The following GRM7 variants were observed in gnomAD, a reference collection of about 807,000 sequenced individuals.
GRM7 encodes metabotropic glutamate receptor 7.
A neutral mutation model predicts 84.5 loss-of-function variants in GRM7; 35 were observed. That is an observed-to-expected ratio of 0.41 (90% confidence interval 0.32 to 0.55). The LOEUF (loss-of-function observed/expected upper bound fraction) is 0.55, where lower values mean the gene tolerates loss of function less well. Among genes scored for constraint, GRM7 ranks in the 20% least tolerant of loss-of-function variants. GRM7 has a pLI of 0.19. For missense variants in GRM7, 1,003 were observed against 1,194.6 expected (o/e 0.84, Z 2.36); for synonymous variants, 487 against 455.1 (o/e 1.07, Z -0.89).
At chr3:7,099,364 A>C (rs1319926067) in intron 1 of GRM7, among the ~76,000 whole-genome samples, 1 of 148,342 alleles carries the variant, frequency 6.7e-6, no homozygotes, top group Non-Finnish European at 1.5e-5. Context: ...GTACACATGT[A>C]TACATATATA....
chr3:7,087,445 T>G (rs1017480818), intron 1 of GRM7, among the ~76,000 whole-genome samples: 4 of 152,088 alleles, frequency 2.6e-5, no homozygotes, highest in Non-Finnish European at 5.9e-5. Context: ...TCATGACCTT[T>G]TTTCAGGTGA....
chr3:7,421,691 G>T (rs1032273829), intron 5 of GRM7, among the ~76,000 whole-genome samples: 1 of 151,560 alleles, frequency 6.6e-6, no homozygotes, highest in African/African-American at 2.4e-5. Flanking sequence ...ACTGCAGCAT[G>T]GACTCTTGGT....
rs1694026648 is a variant in GRM7, at chr3:7,369,033, TA to T, written c.1034-45989del. Among the ~76,000 whole-genome samples the T allele has an allele frequency of 3.3e-5, 5 of 152,178 alleles. No homozygotes were observed. The South Asian group carries it at 1.0e-3, about 32-fold the overall frequency. Reference sequence around the variant, plus strand: ...TTGCTGTCACACTGTTCTCCCTTTCTATGGCACATCACAACCTGAGAAATCT... The same window carrying T: ...TTGCTGTCACACTGTTCTCCCTTTCTTGGCACATCACAACCTGAGAAATCT... On this transcript the variant is annotated intron_variant, in intron 4 of 9. Coordinates refer to ENST00000357716, the MANE Select transcript of GRM7 (RefSeq NM_000844.4).
At chr3:7,727,786 G>T (rs988685061) in intron 9 of GRM7, among the ~76,000 whole-genome samples, 2 of 152,050 alleles carry the variant, frequency 1.3e-5, no homozygotes, top group African/African-American at 2.4e-5. Flanking sequence ...GTTTTATATT[G>T]GTCGAGCTTT....
chr3:7,560,616 C>T (rs992499946), intron 7 of GRM7, among the ~76,000 whole-genome samples: 3 of 152,086 alleles, frequency 2.0e-5, no homozygotes, highest in African/African-American at 7.2e-5. Flanking sequence ...ACAAGGTTCA[C>T]ACTAGATTTG....
intron 8 of GRM7, among the ~76,000 whole-genome samples, chr3:7,612,886 A>T (rs556823129): frequency 6.6e-6 from 1 of 152,336 alleles, no homozygotes; most frequent in South Asian, 2.1e-4. Flanking sequence ...TCCATTGCTT[A>T]TCTTTAAAGA....
chr3:7,234,963 G>A (rs745846296), intron 2 of GRM7, among the ~76,000 whole-genome samples: 9 of 152,082 alleles, frequency 5.9e-5, no homozygotes, highest in Non-Finnish European at 8.8e-5. Flanking sequence ...TTCATCCATC[G>A]TTTTCTTGCC....
At chr3:7,050,316 A>T (rs533553369) in intron 1 of GRM7, among the ~76,000 whole-genome samples, 2 of 151,874 alleles carry the variant, frequency 1.3e-5, no homozygotes, top group African/African-American at 4.8e-5. Flanking sequence ...CAGACATCCA[A>T]CTGTTCAGTG....
chr3:7,529,708 T>G (rs1212948288), intron 7 of GRM7, among the ~76,000 whole-genome samples: 3 of 152,034 alleles, frequency 2.0e-5, no homozygotes, highest in Non-Finnish European at 4.4e-5. Context: ...AGATATTGTT[T>G]TTATTGTTTC....
intron 9 of GRM7, among the ~76,000 whole-genome samples, chr3:7,698,427 A>C (rs976124985): frequency 6.6e-6 from 1 of 152,234 alleles, no homozygotes; most frequent in Admixed American, 6.5e-5. Flanking sequence ...TTTACAGATA[A>C]GCAAACTGAG....
At chr3:7,655,887 A>ATTTC (rs1699158657) in intron 8 of GRM7, among the ~76,000 whole-genome samples, 1 of 152,172 alleles carries the variant, frequency 6.6e-6, no homozygotes, top group African/African-American at 2.4e-5. Context: ...CATTTTCATA[A>ATTTC]TTTCTTTATG....
chr3:7,576,060 G>T (rs2125050552), intron 7 of GRM7, among the ~76,000 whole-genome samples: 1 of 152,306 alleles, frequency 6.6e-6, no homozygotes, highest in African/African-American at 2.4e-5. Context: ...TCAAGCGAAT[G>T]TATTTATTTT....
chr3:7,710,407 G>A (rs963084233), intron 9 of GRM7, among the ~76,000 whole-genome samples: 3 of 152,110 alleles, frequency 2.0e-5, no homozygotes, highest in Non-Finnish European at 4.4e-5. Context: ...CACAGTAATC[G>A]CTGGAGATTA....
At chr3:7,308,219 C>A (rs1375102133) in intron 4 of GRM7, among the ~76,000 whole-genome samples, 1 of 151,192 alleles carries the variant, frequency 6.6e-6, no homozygotes, top group Non-Finnish European at 1.5e-5. Flanking sequence ...CTAATCATTG[C>A]TACACTGTTT....
At chr3:7,527,859 A>G (rs1482403019) in intron 7 of GRM7, among the ~76,000 whole-genome samples, 2 of 152,030 alleles carry the variant, frequency 1.3e-5, no homozygotes, top group South Asian at 2.1e-4. Flanking sequence ...GTAAACTTGC[A>G]TGTCAGAAAT....
intron 2 of GRM7, among the ~76,000 whole-genome samples, chr3:7,208,578 A>G (rs1179856692): frequency 6.6e-6 from 1 of 152,146 alleles, no homozygotes; most frequent in Non-Finnish European, 1.5e-5. Flanking sequence ...GTTTGCTCAG[A>G]GGGCCTATAT....
intron 7 of GRM7, among the ~76,000 whole-genome samples, chr3:7,568,439 G>A (rs918135347): frequency 9.9e-5 from 15 of 152,246 alleles, no homozygotes; most frequent in African/African-American, 2.4e-4. Flanking sequence ...AGGTGACAGC[G>A]TGCTGACAGC....
chr3:7,048,613 A>T (rs1417825343), intron 1 of GRM7, among the ~76,000 whole-genome samples: 1 of 151,990 alleles, frequency 6.6e-6, no homozygotes, highest in Non-Finnish European at 1.5e-5. Context: ...ATTGACAAGA[A>T]TTATTTATAT....
intron 2 of GRM7, among the ~76,000 whole-genome samples, chr3:7,175,992 C>G (rs1467295544): frequency 6.6e-6 from 1 of 152,014 alleles, no homozygotes; most frequent in Non-Finnish European, 1.5e-5. Flanking sequence ...TGTTAAAGAG[C>G]TCATACCACC....
Sources: allele counts gnomAD v4.1 joint callset (sites outside exome capture counted in the v4.1 genomes callset), GRCh38; gene constraint gnomAD v4.1.1; transcripts MANE v1.5; gene names NCBI Gene and HGNC (gene_info 2026-07-23, HGNC 2026-07-21).